NIBAN2: variants seen among roughly 807,000 people sequenced by gnomAD.
The protein encoded by NIBAN2 is protein Niban 2.
Under a neutral mutation model 81.8 loss-of-function variants are expected in NIBAN2, and 36 were observed. The observed-to-expected ratio is 0.44, with a 90% CI of 0.34 to 0.58. The LOEUF (loss-of-function observed/expected upper bound fraction) is 0.58. Ranked by LOEUF, NIBAN2 falls within the 20% of genes least tolerant of loss-of-function variation. The pLI is 0.02. For synonymous variants in NIBAN2, 445 were observed against 441.6 expected, an observed-to-expected ratio of 1.01 and a Z score of -0.10; for missense variants, 897 against 1,014.1, an observed-to-expected ratio of 0.88 and a Z score of 1.57.
chr9:127,569,031 G>C lies in NIBAN2; in HGVS notation c.-157C>G. ...CCGCCCGGCTGCGGCTTCCGCTCCG[G>C]CTCCGCTCCCGGTCGGGCCCCGTCC... On this transcript the variant is annotated 5_prime_UTR_variant, in exon 1 of 14. Transcript: ENST00000373312. The C allele has an allele frequency of 9.2e-7, 1 of 1,085,238 alleles. No individual in the cohort carries two copies. The highest frequency in any genetic ancestry group is 4.5e-5 in the South Asian group (1 of 22,348). 67.2% of individuals were successfully genotyped at this position (1,085,238 alleles called of 1,614,324 possible).
rs778326546 is a variant in NIBAN2, at chr9:127,563,025, G to A, written c.55+5795C>T. Among the ~76,000 whole-genome samples the A allele has an allele frequency of 2.6e-5, 4 of 152,184 alleles. No homozygotes were observed. Among genetic ancestry groups the A allele is most frequent in the East Asian group, 1.9e-4 (1 of 5,190 alleles). On this transcript the variant is annotated intron_variant, in intron 1 of 13. Coordinates refer to ENST00000373312, the MANE Select transcript of NIBAN2 (RefSeq NM_022833.4). This position sits in a 1 kb window ranked among gnomAD's most constrained non-coding sequence, Gnocchi z 4.1. ...GAGGATGAAGTGGTTATCGCAGGAC[G>A]GCGGGTGAGTGGTTCCTAGTCCTGT...
chr9:127,520,324 C>T (rs896658967), intron 5 of NIBAN2, among the ~76,000 whole-genome samples: 8 of 150,758 alleles, frequency 5.3e-5, no homozygotes, highest in Non-Finnish European at 1.0e-4. Flanking sequence ...CTGCAGCCTC[C>T]GCCTCCCAGG....
At chr9:127,550,470 GC>G (rs559544430) in intron 1 of NIBAN2, among the ~76,000 whole-genome samples, 36 of 152,314 alleles carry the variant, frequency 2.4e-4, no homozygotes, top group African/African-American at 7.7e-4. Flanking sequence ...ATCTCCATTT[GC>G]CCTAGGAGGG....
rs541353329 is a variant in NIBAN2, at chr9:127,559,764, C to T, written c.55+9056G>A. Reference sequence around the variant, plus strand: ...TACTCCCTGGGCCCCCACCCCTGCACGTGGACCCTCTACCCAGCACCCTGA... The same window carrying T: ...TACTCCCTGGGCCCCCACCCCTGCATGTGGACCCTCTACCCAGCACCCTGA... On this transcript the variant is annotated intron_variant, in intron 1 of 13. Transcript: ENST00000373312. The surrounding 1 kb of genome is among the most constrained non-coding windows in gnomAD (Gnocchi z 4.0). Among the ~76,000 whole-genome samples, 1 of 152,316 alleles carries T rather than the reference C, an allele frequency of 6.6e-6. No homozygotes were observed. The highest frequency in any genetic ancestry group is 1.9e-4 in the East Asian group (1 of 5,188).
intron 5 of NIBAN2, among the ~76,000 whole-genome samples, chr9:127,520,229 C>CTTTT (rs61128001): frequency 1.8e-5 from 2 of 109,510 alleles, no homozygotes; most frequent in Non-Finnish European, 1.8e-5. Flanking sequence ...GACCCAGGGT[C>CTTTT]TTTTTTTTTT....
Position 127,508,507 on chromosome 9 carries a change from G to A in NIBAN2, c.1349C>T (p.Thr450Ile). ...QMDNAVYTFE[T>I]LLHQELGKGP... is the part of the protein sequence containing the mutation. ...CTTCCCCAGCTCCTGGTGCAGGAGG[G>A]TCTCGAACGTATACACGGCATTGTC... is the stretch of plus-strand genomic sequence containing the variant. The change falls in exon 11 of 14, where the codon ACC (threonine) becomes ATC (isoleucine). Residue 450 changes from threonine (T) to isoleucine (I), a missense_variant. Thr to Ile is a moderately conservative substitution (Grantham distance 89, BLOSUM62 -1). Coordinates refer to ENST00000373312, the MANE Select transcript of NIBAN2 (RefSeq NM_022833.4). This position sits in a 1 kb window ranked among gnomAD's most constrained non-coding sequence, Gnocchi z 6.4. 2 of 1,613,926 alleles carry A rather than the reference G, an allele frequency of 1.2e-6. No homozygotes were observed. The highest frequency in any genetic ancestry group is 1.7e-6 in the Non-Finnish European group (2 of 1,179,960).
intron 1 of NIBAN2, among the ~76,000 whole-genome samples, chr9:127,567,141 G>C (rs1386851655): frequency 6.6e-6 from 1 of 152,104 alleles, no homozygotes; most frequent in Non-Finnish European, 1.5e-5. Flanking sequence ...GAGAGGGTGG[G>C]CTGGCAATTC....
intron 1 of NIBAN2, among the ~76,000 whole-genome samples, chr9:127,538,035 C>T (rs1275505536): frequency 6.6e-6 from 1 of 152,194 alleles, no homozygotes; most frequent in Non-Finnish European, 1.5e-5. Context: ...GCTGCATCCA[C>T]CTCTGAAGAG....
chr9:127,570,927 T>C (rs988017870), upstream of NIBAN2, among the ~76,000 whole-genome samples: 3 of 152,268 alleles, frequency 2.0e-5, no homozygotes, highest in African/African-American at 7.2e-5. Context: ...AGGGAGAACC[T>C]GGCCAAAGGC....
At chr9:127,573,156 G>A (rs1252647233), upstream of NIBAN2, among the ~76,000 whole-genome samples, 7 of 151,984 alleles carry the variant, frequency 4.6e-5, no homozygotes, top group Admixed American at 2.6e-4. Flanking sequence ...AGGTAAAGGC[G>A]TGAGTGTGAG....
At chr9:127,561,871 C>T (rs1279655132) in intron 1 of NIBAN2, among the ~76,000 whole-genome samples, 2 of 152,224 alleles carry the variant, frequency 1.3e-5, no homozygotes, top group African/African-American at 2.4e-5. Flanking sequence ...AGGCATCTGC[C>T]CGGACTCCTT....
intron 1 of NIBAN2, among the ~76,000 whole-genome samples, chr9:127,542,682 T>C (rs1837402298): frequency 6.6e-6 from 1 of 152,168 alleles, no homozygotes; most frequent in African/African-American, 2.4e-5. Flanking sequence ...TCAGGTGCCC[T>C]GAAGGGGCCC....
At chr9:127,521,486 G>A (rs1031029053) in intron 5 of NIBAN2, among the ~76,000 whole-genome samples, 1 of 152,138 alleles carries the variant, frequency 6.6e-6, no homozygotes, top group South Asian at 2.1e-4. Context: ...AGCTGCTCCA[G>A]GAATGCAGGA....
chr9:127,519,410 G>A lies in NIBAN2; in HGVS notation c.590-1469C>T, dbSNP rs527896720. 2.6e-4 allele frequency among the ~76,000 whole-genome samples: 40 copies of A among 152,318 alleles called. 1 individual carries two copies. The highest frequency in any genetic ancestry group is 9.1e-4 in the African/African-American group (38 of 41,580). ...TGGTCAAACGCCACCGAGCCAGGCA[G>A]CAGGCAGACTCCCCTGGCCGCGTGC... is the stretch of plus-strand genomic sequence containing the variant. On this transcript the variant is annotated intron_variant, in intron 5 of 13. Coordinates refer to ENST00000373312, the MANE Select transcript of NIBAN2 (RefSeq NM_022833.4).
intron 1 of NIBAN2, among the ~76,000 whole-genome samples, chr9:127,548,957 C>A (rs185621456): frequency 6.6e-6 from 1 of 152,134 alleles, no homozygotes. Context: ...GGGACCCTGG[C>A]GGGTAGGGAA....
rs562614239 is a variant in NIBAN2 at position 127,545,880 on chromosome 9, C to T, written c.56-14102G>A. 6.6e-6 allele frequency among the ~76,000 whole-genome samples: 1 copy of T among 152,354 alleles called. No individual in the cohort carries two copies. The highest frequency in any genetic ancestry group is 3.4e-3 in the Middle Eastern group (1 of 294). ...AGCCCTCTCATCCCCTCCTGCCCCC[C>T]ACCCCGCCTGCCTGGCAGCGGCCCC... On this transcript the variant is annotated intron_variant, in intron 1 of 13. Coordinates refer to ENST00000373312, the MANE Select transcript of NIBAN2 (RefSeq NM_022833.4). The surrounding 1 kb of genome is among the most constrained non-coding windows in gnomAD (Gnocchi z 4.7).
At chr9:127,511,568 T>G (rs1490885655) in intron 8 of NIBAN2, among the ~76,000 whole-genome samples, 1 of 151,510 alleles carries the variant, frequency 6.6e-6, no homozygotes, top group Non-Finnish European at 1.5e-5. Flanking sequence ...AAATAGTGGA[T>G]AAAGATGAGA....
chr9:127,555,398 G>A (rs917134351), intron 1 of NIBAN2, among the ~76,000 whole-genome samples: 2 of 152,208 alleles, frequency 1.3e-5, no homozygotes, highest in African/African-American at 4.8e-5. Flanking sequence ...CACAAAGGAG[G>A]GATTTAAAGA....
intron 8 of NIBAN2, among the ~76,000 whole-genome samples, chr9:127,510,904 G>A (rs551592212): frequency 8.9e-4 from 136 of 152,194 alleles, no homozygotes; most frequent in Admixed American, 2.2e-3. Context: ...GATGCAGGGG[G>A]TACACTGCAG....
Sources: gnomAD v4.1 joint callset for allele counts (sites outside exome capture counted in the v4.1 genomes callset) on GRCh38, gnomAD v4.1.1 for gene constraint, Gnocchi (gnomAD v3.1) non-coding constraint, MANE v1.5 for transcripts, NCBI Gene and HGNC (gene_info 2026-07-23, HGNC 2026-07-21) for gene names.